ZFYVE28: variants seen among roughly 807,000 people sequenced by gnomAD.
The protein encoded by ZFYVE28 is zinc finger FYVE-type containing 28, also known as lateral signaling target protein 2 homolog.
In ZFYVE28, 40 loss-of-function variants were observed where a neutral mutation model predicts 82.1. The observed-to-expected ratio is 0.49, with a 90% confidence interval of 0.38 to 0.63. The LOEUF (loss-of-function observed/expected upper bound fraction) is 0.63, where lower values mean the gene tolerates loss of function less well. Ranked by LOEUF, ZFYVE28 falls within the 30% of genes least tolerant of loss-of-function variation. ZFYVE28 has a pLI of 0.00. For missense variants in ZFYVE28, 1,321 were observed against 1,242.1 expected (o/e 1.06, Z -0.96); for synonymous variants, 612 against 546.1 (o/e 1.12, Z -1.68).
chr4:2,417,160 G>A lies in ZFYVE28; in HGVS notation c.39+1125C>T, dbSNP rs1473105326. On this transcript the variant is annotated intron_variant, in intron 1 of 12. Transcript: ENST00000290974. The surrounding 1 kb of genome is among the most constrained non-coding windows in gnomAD (Gnocchi z 4.8). ...CCTCGGACGTCCGAGCTGCCCGGACGAAGCGCTGGCCCCACTCCCGCCCTT... is the reference window on the plus strand; with the variant it reads ...CCTCGGACGTCCGAGCTGCCCGGACAAAGCGCTGGCCCCACTCCCGCCCTT... Among the ~76,000 whole-genome samples the A allele has an allele frequency of 3.3e-5, 5 of 152,112 alleles. No individual in the cohort carries two copies. Among genetic ancestry groups the A allele is most frequent in the African/African-American group, 9.7e-5 (4 of 41,436 alleles).
intron 1 of ZFYVE28, among the ~76,000 whole-genome samples, chr4:2,400,554 G>A (rs1049418518): frequency 2.6e-5 from 4 of 152,060 alleles, no homozygotes; most frequent in Non-Finnish European, 5.9e-5. Flanking sequence ...GAACTAATAG[G>A]ATACATATAT....
chr4:2,299,540 G>T (rs1715163876), intron 8 of ZFYVE28, among the ~76,000 whole-genome samples: 1 of 140,928 alleles, frequency 7.1e-6, no homozygotes. Flanking sequence ...GACAGCTTGA[G>T]CCCAGACAGG....
chr4:2,367,024 C>T (rs371369253), intron 1 of ZFYVE28, among the ~76,000 whole-genome samples: 2 of 152,344 alleles, frequency 1.3e-5, no homozygotes, highest in African/African-American at 4.8e-5. Context: ...ACTGCCTATA[C>T]AAATGATGTG....
chr4:2,278,705 A>G (rs1022136554), intron 8 of ZFYVE28, among the ~76,000 whole-genome samples: 2 of 152,072 alleles, frequency 1.3e-5, no homozygotes, highest in African/African-American at 4.8e-5. Flanking sequence ...ATAAGGACAT[A>G]GTATCTGCAA....
intron 1 of ZFYVE28, among the ~76,000 whole-genome samples, chr4:2,377,311 T>C (rs192196668): frequency 4.5e-4 from 68 of 152,270 alleles, no homozygotes; most frequent in Middle Eastern, 6.8e-3. Flanking sequence ...GTTGAGCCAC[T>C]GCGCCCGGCC....
At chr4:2,344,949 C>G (rs959953521) in intron 2 of ZFYVE28, among the ~76,000 whole-genome samples, 1 of 152,004 alleles carries the variant, frequency 6.6e-6, no homozygotes, top group East Asian at 1.9e-4. Context: ...CGGTGGCTCA[C>G]GCCTGTAATC....
intron 1 of ZFYVE28, among the ~76,000 whole-genome samples, chr4:2,398,757 T>G (rs1374064476): frequency 2.9e-3 from 7 of 2,384 alleles, no homozygotes; most frequent in Non-Finnish European, 4.7e-3. Flanking sequence ...TGAGATCCAG[T>G]GCACAAGGTC....
intron 1 of ZFYVE28, among the ~76,000 whole-genome samples, chr4:2,413,838 G>A (rs1406021113): frequency 6.6e-6 from 1 of 151,942 alleles, no homozygotes; most frequent in Non-Finnish European, 1.5e-5. Flanking sequence ...GCCAGTGACT[G>A]CCCTCTCATA....
chr4:2,403,464 G>A (rs916802433), intron 1 of ZFYVE28, among the ~76,000 whole-genome samples: 4 of 152,192 alleles, frequency 2.6e-5, no homozygotes, highest in South Asian at 2.1e-4. Context: ...AGGACATAGC[G>A]CACTTCTGAA....
intron 1 of ZFYVE28, among the ~76,000 whole-genome samples, chr4:2,391,455 C>CTTTTTTTTTTTTT: frequency 8.5e-6 from 1 of 117,224 alleles, no homozygotes; most frequent in Non-Finnish European, 1.7e-5. Flanking sequence ...GGTCAATTAT[C>CTTTTTTTTTTTTT]TTTTTTTTTT....
At chr4:2,402,315 G>A (rs1014963584) in intron 1 of ZFYVE28, among the ~76,000 whole-genome samples, 9 of 152,112 alleles carry the variant, frequency 5.9e-5, no homozygotes, top group Non-Finnish European at 1.0e-4. Context: ...TCAGTAAGTC[G>A]GCCAGGCAAG....
chr4:2,359,492 T>C (rs11726484), intron 1 of ZFYVE28, among the ~76,000 whole-genome samples: 15,630 of 152,156 alleles, frequency 0.1, 885 homozygotes, highest in East Asian at 0.12. Context: ...CCTAATCCAA[T>C]ATACCTGGTG....
At chr4:2,295,295 G>A (rs1187218321) in intron 8 of ZFYVE28, among the ~76,000 whole-genome samples, 1 of 152,082 alleles carries the variant, frequency 6.6e-6, no homozygotes, top group East Asian at 1.9e-4. Flanking sequence ...CCAAGTAGCT[G>A]GGATTGCAGG....
At chr4:2,331,454 C>A (rs911446143) in intron 6 of ZFYVE28, among the ~76,000 whole-genome samples, 29 of 150,486 alleles carry the variant, frequency 1.9e-4, no homozygotes, top group Middle Eastern at 3.4e-3. Context: ...CCAGCCTGGA[C>A]AACACAGCAA....
At chr4:2,352,337 GA>G (rs1019115159) in intron 2 of ZFYVE28, among the ~76,000 whole-genome samples, 2 of 152,012 alleles carry the variant, frequency 1.3e-5, no homozygotes, top group Non-Finnish European at 2.9e-5. Context: ...TCGGGGGGTG[GA>G]CAGGAAGAGG....
At chr4:2,364,410 T>G in intron 1 of ZFYVE28, 1 of 982,714 alleles carries the variant, frequency 1.0e-6, no homozygotes, top group Non-Finnish European at 1.2e-6. Context: ...GCCCCCCACC[T>G]CTCCAAGCCC....
In ZFYVE28 at chr4:2,380,450, C is replaced by T. The variant is rs1170663261; in HGVS notation, c.40-26377G>A. On this transcript the variant is annotated intron_variant, in intron 1 of 12. Coordinates refer to ENST00000290974, the MANE Select transcript of ZFYVE28 (RefSeq NM_020972.3). The stretch of plus-strand genomic sequence containing the variant: ...CTTCATGACCAAAAGTCATTCTTAA[C>T]GCCCTGTCAGCTGCAACTCAACCAA... Among the ~76,000 whole-genome samples the T allele has an allele frequency of 4.6e-5, 7 of 152,232 alleles. 1 individual carries two copies. In the South Asian group the frequency reaches 8.3e-4, roughly 18 times the overall value.
intron 1 of ZFYVE28, among the ~76,000 whole-genome samples, chr4:2,358,339 TC>T (rs1419731692): frequency 6.6e-6 from 1 of 152,188 alleles, no homozygotes; most frequent in Non-Finnish European, 1.5e-5. Flanking sequence ...CAAGATGAGC[TC>T]CCACAGGGGT....
intron 4 of ZFYVE28, among the ~76,000 whole-genome samples, chr4:2,338,241 G>A (rs1161313049): frequency 2.6e-5 from 4 of 152,346 alleles, no homozygotes; most frequent in South Asian, 2.1e-4. Flanking sequence ...GCTCTGAGAC[G>A]TGAAGGCTTG....
Sources: gnomAD v4.1 joint callset for allele counts (sites outside exome capture counted in the v4.1 genomes callset) on GRCh38, gnomAD v4.1.1 for gene constraint, Gnocchi (gnomAD v3.1) non-coding constraint, MANE v1.5 for transcripts, NCBI Gene and HGNC (gene_info 2026-07-23, HGNC 2026-07-21) for gene names.